The following GATD1 variants were observed in gnomAD, a reference collection of about 807,000 sequenced individuals.
GATD1 encodes glutamine amidotransferase-like class 1 domain-containing protein 1.
In GATD1, 23 loss-of-function variants were observed where a neutral mutation model predicts 25.9. The observed-to-expected ratio is 0.89, with a 90% CI of 0.64 to 1.26. The LOEUF (loss-of-function observed/expected upper bound fraction) is 1.26. GATD1 is among the 50% of genes most tolerant of loss of function. The probability of loss-of-function intolerance (pLI) is 0.00; values close to 1 mark genes in which losing one functional copy is unlikely to be tolerated. For synonymous variants in GATD1, 177 were observed against 134.6 expected (o/e 1.31, Z -2.18); for missense variants, 347 against 312.5 (o/e 1.11, Z -0.83).
intron 4 of GATD1, chr11:772,738 T>A: frequency 1.7e-6 from 1 of 585,616 alleles, no homozygotes; most frequent in South Asian, 2.0e-5. Context: ...GCTTCAGGAC[T>A]AGGCTCTGGT....
chr11:777,470 G>A lies in GATD1; in HGVS notation c.-8C>T, dbSNP rs1864138208. The A allele has an allele frequency of 2.4e-6, 3 of 1,232,462 alleles. No homozygotes were observed. Among genetic ancestry groups the A allele is most frequent in the Non-Finnish European group, 3.0e-6 (3 of 985,590 alleles). 76.3% of individuals were successfully genotyped at this position (1,232,462 alleles called of 1,614,324 possible). On this transcript the variant is annotated 5_prime_UTR_variant, in exon 1 of 8. Transcript: ENST00000319863. ...GAGCCGCTCGGACGCCATGGCTCGGGCTCGGCGCTGGGTCTGCGCGTGCGC... is the reference window on the plus strand; with the variant it reads ...GAGCCGCTCGGACGCCATGGCTCGGACTCGGCGCTGGGTCTGCGCGTGCGC...
chr11:776,035 T>C (rs1313296765), intron 1 of GATD1, among the ~76,000 whole-genome samples: 3 of 132,650 alleles, frequency 2.3e-5, no homozygotes, highest in Admixed American at 8.9e-5. Context: ...CAGGCTGGAG[T>C]GCAGTGGTGC....
At position 767,705 on chromosome 11, in the gene GATD1, C is replaced by T. The variant is rs540857738; in HGVS notation, c.*3192G>A. On this transcript the variant is annotated 3_prime_UTR_variant, in exon 8 of 8. Coordinates refer to ENST00000319863, the MANE Select transcript of GATD1 (RefSeq NM_182612.4). Reference sequence around the variant, plus strand: ...TAGGTGGGGCATTTGGGAGGTCATCCGGTCACAGGGCAGGGGCACAGCCTC... The same window carrying T: ...TAGGTGGGGCATTTGGGAGGTCATCTGGTCACAGGGCAGGGGCACAGCCTC... 101 of 953,956 alleles carry T rather than the reference C, an allele frequency of 1.1e-4. 1 individual carries two copies. The African/African-American group carries it at 1.3e-3, about 12-fold the overall frequency. 59.1% of individuals were successfully genotyped at this position (953,956 alleles called of 1,614,324 possible). A position where few individuals can be genotyped will look rare whatever the true frequency, so the allele number is the denominator to read the frequency against.
chr11:774,127 G>A lies in GATD1; in HGVS notation c.142-14C>T, dbSNP rs1287848142. The A allele has an allele frequency of 6.2e-7, 1 of 1,606,646 alleles. No individual in the cohort carries two copies. The highest frequency in any genetic ancestry group is 1.1e-5 in the South Asian group (1 of 90,962). ...CATGGCTTTCCCCTGGAGAAGCAGAGCCCAGGGGCCGAGGGTCAGCACCAG... is the reference window on the plus strand; with the variant it reads ...CATGGCTTTCCCCTGGAGAAGCAGAACCCAGGGGCCGAGGGTCAGCACCAG... On this transcript the variant is annotated splice_polypyrimidine_tract_variant and intron_variant, in intron 2 of 7. Coordinates refer to ENST00000319863, the MANE Select transcript of GATD1 (RefSeq NM_182612.4).
rs1270385293 is a variant in GATD1 at position 770,783 on chromosome 11, G to C, written c.*114C>G. 6.5e-7 allele frequency: 1 copy of C among 1,528,776 alleles called. No individual in the cohort carries two copies. Among genetic ancestry groups the C allele is most frequent in the Admixed American group, 2.1e-5 (1 of 48,498 alleles). 94.7% of individuals were successfully genotyped at this position (1,528,776 alleles called of 1,614,324 possible). On this transcript the variant is annotated 3_prime_UTR_variant, in exon 8 of 8. Coordinates refer to ENST00000319863, the MANE Select transcript of GATD1 (RefSeq NM_182612.4). ...CAACAATCCCATCAGGGCCAGACCA[G>C]GCTGCCATCCAGGGCCCTTGTCAGG...
chr11:775,357 G>A lies in GATD1; in HGVS notation c.65-215C>T, dbSNP rs552762658. Among the ~76,000 whole-genome samples, 10 of 152,336 alleles carry A rather than the reference G, an allele frequency of 6.6e-5. No homozygotes were observed. The South Asian group carries it at 2.1e-3, about 32-fold the overall frequency. On this transcript the variant is annotated intron_variant, in intron 1 of 7. Coordinates refer to ENST00000319863, the MANE Select transcript of GATD1 (RefSeq NM_182612.4). ...AAGCTGGGAAGGCATGAGTCAGAGG[G>A]GCACAGCCAGGTCTGCCAGAACGGT... is the stretch of plus-strand genomic sequence containing the variant.
At chr11:772,001 C>T (rs1278769830) in intron 5 of GATD1, among the ~76,000 whole-genome samples, 1 of 152,188 alleles carries the variant, frequency 6.6e-6, no homozygotes, top group African/African-American at 2.4e-5. Flanking sequence ...CCCCCAGTGT[C>T]CACAGAGCCC....
In GATD1 at chr11:768,272, C is replaced by T. The variant is rs540026116; in HGVS notation, c.*2625G>A. The T allele has an allele frequency of 1.6e-4, 24 of 151,696 alleles. No individual in the cohort carries two copies. The highest frequency in any genetic ancestry group is 3.1e-4 in the Non-Finnish European group (21 of 67,994). 9.4% of individuals were successfully genotyped at this position (151,696 alleles called of 1,614,324 possible). ...GATCATGAGGTCAAGAGATCGAGAC[C>T]ATCCTGGCCAACATGGTGAAACCCC... On this transcript the variant is annotated 3_prime_UTR_variant, in exon 8 of 8. Transcript: ENST00000319863.
chr11:770,214 G>C lies in GATD1; in HGVS notation c.*683C>G. ...CCGAGGCCACTGTGCAAGGCCGTGG[G>C]GGACAGCACTTTCCTATCATTGAGA... On this transcript the variant is annotated 3_prime_UTR_variant, in exon 8 of 8. Transcript: ENST00000319863. 1 of 1,365,434 alleles carries C rather than the reference G, an allele frequency of 7.3e-7. No individual in the cohort carries two copies. Among genetic ancestry groups the C allele is most frequent in the South Asian group, 1.8e-5 (1 of 54,640 alleles). 84.6% of individuals were successfully genotyped at this position (1,365,434 alleles called of 1,614,324 possible).
At chr11:775,372 G>C (rs1863859646) in intron 1 of GATD1, among the ~76,000 whole-genome samples, 1 of 152,240 alleles carries the variant, frequency 6.6e-6, no homozygotes, top group Non-Finnish European at 1.5e-5. Context: ...AGCCAGGTCT[G>C]CCAGAACGGT....
intron 2 of GATD1, among the ~76,000 whole-genome samples, chr11:774,341 A>G (rs528227804): frequency 1.3e-5 from 2 of 152,232 alleles, no homozygotes; most frequent in East Asian, 1.9e-4. Flanking sequence ...ATTTTTATAC[A>G]TAATAAATAA....
chr11:769,173 G>C lies in GATD1; in HGVS notation c.*1724C>G. 1 of 985,448 alleles carries C rather than the reference G, an allele frequency of 1.0e-6. No homozygotes were observed. The highest frequency in any genetic ancestry group is 4.7e-5 in the South Asian group (1 of 21,286). The allele number at this position is 985,448 out of a possible 1,614,324, so 61.0% of individuals were successfully genotyped here. On this transcript the variant is annotated 3_prime_UTR_variant, in exon 8 of 8. Coordinates refer to ENST00000319863, the MANE Select transcript of GATD1 (RefSeq NM_182612.4). ...CACACGGGGATGAGAGTGGACCCGG[G>C]ACAGAGCAAGGCCCCGTGGCCAGTG...
intron 2 of GATD1, 84 bp downstream of exon 2, chr11:774,982 C>T (rs7952095): frequency 4.9e-5 from 63 of 1,274,180 alleles, no homozygotes; most frequent in Middle Eastern, 2.2e-4. Flanking sequence ...CCTCCCAGGC[C>T]GCGGCGGCAG....
At chr11:775,976 CTTTTTTTTTT>C (rs71022972) in intron 1 of GATD1, among the ~76,000 whole-genome samples, 12 of 72,278 alleles carry the variant, frequency 1.7e-4, no homozygotes, top group Non-Finnish European at 2.4e-4. Context: ...TATCTTCATT[CTTTTTTTTTT>C]TTTTTTTTTT....
Position 770,077 on chromosome 11 carries a change from G to A in GATD1, c.*820C>T. The A allele has an allele frequency of 8.4e-7, 1 of 1,195,154 alleles. No individual in the cohort carries two copies. The highest frequency in any genetic ancestry group is 1.0e-6 in the Non-Finnish European group (1 of 964,804). The allele number at this position is 1,195,154 out of a possible 1,614,324, so 74.0% of individuals were successfully genotyped here. A position where few individuals can be genotyped will look rare whatever the true frequency, so the allele number is the denominator to read the frequency against. On this transcript the variant is annotated 3_prime_UTR_variant, in exon 8 of 8. Transcript: ENST00000319863. ...AACTGTGAGGAAGTAGAGGGCCTAA[G>A]CCTCTCCTGGACGCCCTAACCTGGG...
rs751373837 is a variant in GATD1 at position 773,673 on chromosome 11, G to A, written c.248-44C>T. ...CCAGGTAGCAGCCACATGTCAAAGT[G>A]AGACTACCTGCAGGACCAGGCCCGA... On this transcript the variant is annotated intron_variant, in intron 3 of 7. Transcript: ENST00000319863. The A allele has an allele frequency of 3.4e-6, 5 of 1,450,958 alleles. No homozygotes were observed. The Admixed American group carries it at 5.9e-5, about 17-fold the overall frequency. 89.9% of individuals were successfully genotyped at this position (1,450,958 alleles called of 1,614,324 possible). A position where few individuals can be genotyped will look rare whatever the true frequency, so the allele number is the denominator to read the frequency against.
chr11:771,411 G>C lies in GATD1; in HGVS notation c.466C>G (p.Leu156Val), dbSNP rs763552184. ...YSLTGPSVCELVRAPGFARLP... is the reference protein window; with the variant it reads ...YSLTGPSVCEVVRAPGFARLP... The stretch of plus-strand genomic sequence containing the variant: ...CGGGCGAAGCCGGGGGCCCTGACGA[G>C]CTCACACACAGAGGGCTGCGGGAGC... Residue 156 changes from leucine (L) to valine (V), a missense_variant, in exon 6 of 8, where the codon CTC (leucine) becomes GTC (valine). Transcript: ENST00000319863. 1.9e-6 allele frequency: 3 copies of C among 1,548,900 alleles called. No individual in the cohort carries two copies. The South Asian group carries it at 3.7e-5, about 19-fold the overall frequency.
intron 5 of GATD1, 185 bp from the exon 6 acceptor site, chr11:771,611 C>A (rs1489677705): frequency 7.3e-7 from 1 of 1,365,188 alleles, no homozygotes; most frequent in Non-Finnish European, 9.5e-7. Flanking sequence ...AGCCATCTTC[C>A]CATGGGGTGT....
rs1440682177 is a variant in GATD1, at chr11:769,159, G to A, written c.*1738C>T. 7 of 985,264 alleles carry A rather than the reference G, an allele frequency of 7.1e-6. No homozygotes were observed. The highest frequency in any genetic ancestry group is 6.0e-6 in the Non-Finnish European group (5 of 829,942). The allele number at this position is 985,264 out of a possible 1,614,324, so 61.0% of individuals were successfully genotyped here. A position where few individuals can be genotyped will look rare whatever the true frequency, so the allele number is the denominator to read the frequency against. On this transcript the variant is annotated 3_prime_UTR_variant, in exon 8 of 8. Coordinates refer to ENST00000319863, the MANE Select transcript of GATD1 (RefSeq NM_182612.4). ...CAGAGGTCCATCACCACACGGGGAT[G>A]AGAGTGGACCCGGGACAGAGCAAGG...
Sources: gnomAD v4.1 joint callset for allele counts (sites outside exome capture counted in the v4.1 genomes callset) on GRCh38, gnomAD v4.1.1 for gene constraint, MANE v1.5 for transcripts, NCBI Gene and HGNC (gene_info 2026-07-23, HGNC 2026-07-21) for gene names.